DNAH5: variants seen among roughly 807,000 people sequenced by gnomAD.
DNAH5 encodes the protein dynein axonemal heavy chain 5.
A neutral mutation model predicts 518.2 loss-of-function variants in DNAH5; 372 were observed. The observed-to-expected ratio is 0.72, with a 90% CI of 0.66 to 0.78. The LOEUF (loss-of-function observed/expected upper bound fraction) is 0.78, where lower values mean the gene tolerates loss of function less well. Ranked by LOEUF, DNAH5 falls within the 30% of genes least tolerant of loss-of-function variation. DNAH5 has a pLI of 0.00. For missense variants in DNAH5, 5,523 were observed against 5,687.0 expected, an observed-to-expected ratio of 0.97 and a Z score of 0.93; for synonymous variants, 2,039 against 2,025.9, an observed-to-expected ratio of 1.01 and a Z score of -0.17.
At chr5:13,713,077 G>A (rs917483434) in intron 75 of DNAH5, among the ~76,000 whole-genome samples, 16 of 147,914 alleles carry the variant, frequency 1.1e-4, no homozygotes, top group Non-Finnish European at 2.1e-4. Flanking sequence ...ATCAATTAAC[G>A]AATGTATAAA....
intron 37 of DNAH5, 68 bp from the exon 38 acceptor site, chr5:13,829,772 T>C (rs1763394523): frequency 4.1e-6 from 6 of 1,465,138 alleles, no homozygotes; most frequent in African/African-American, 1.4e-5. Context: ...TATTAAAAGA[T>C]TCATTATGTA....
In DNAH5 at chr5:13,737,335, G is replaced by A. The variant is rs17263496; in HGVS notation, c.11372C>T (p.Thr3791Ile). The A allele has an allele frequency of 0.12, 194,959 of 1,613,910 alleles. 13,130 individuals carry two copies. The highest frequency in any genetic ancestry group is 0.13 in the Non-Finnish European group (157,757 of 1,179,906). The change falls in exon 66 of 79, where the codon ACA becomes ATA. Residue 3791 changes from threonine to isoleucine, a missense_variant. Coordinates refer to ENST00000265104, the MANE Select transcript of DNAH5 (RefSeq NM_001369.3). ...LIVVLSNTKR[T>I]AEEVTQKLEI... ...TAGCTTCTGTGTCACCTCCTCGGCT[G>A]TCCTTTTTGTGTTACTCAGCACGAC...
At position 13,714,368 on chromosome 5, in the gene DNAH5, C is replaced by A. The variant is rs543570342; in HGVS notation, c.13125+37G>T. 156 of 1,604,462 alleles carry A rather than the reference C, an allele frequency of 9.7e-5. 1 individual carries two copies. In the South Asian group the frequency reaches 1.7e-3, roughly 17 times the overall value. ...CACTCTCCCAACCGAAGATATGCAA[C>A]CCCAGCTGACATTTTGTCAGGATTT... On this transcript the variant is annotated intron_variant, in intron 75 of 78. Coordinates refer to ENST00000265104, the MANE Select transcript of DNAH5 (RefSeq NM_001369.3).
At chr5:13,972,396 G>A (rs1306313779) in intron 1 of DNAH5, among the ~76,000 whole-genome samples, 1 of 152,150 alleles carries the variant, frequency 6.6e-6, no homozygotes, top group Non-Finnish European at 1.5e-5. Flanking sequence ...AAGTTCAATT[G>A]GAAGTTTCCT....
intron 50 of DNAH5, among the ~76,000 whole-genome samples, chr5:13,791,608 GT>G (rs1757002241): frequency 6.6e-6 from 1 of 152,086 alleles, no homozygotes; most frequent in Admixed American, 6.6e-5. Context: ...TACTTTTTAA[GT>G]TAAAGTGTCA....
Position 13,916,456 on chromosome 5 carries a change from C to T in DNAH5, c.1090-1G>A, listed in dbSNP as rs766937846. 2 of 1,506,918 alleles carry T rather than the reference C, an allele frequency of 1.3e-6. No homozygotes were observed. The highest frequency in any genetic ancestry group is 3.4e-5 in the Admixed American group (2 of 59,480). The allele number at this position is 1,506,918 out of a possible 1,614,324, so 93.3% of individuals were successfully genotyped here. ...TAGGAATAGCATCCATCATGGATAG[C>T]TGAAAGATATCACCAAAGTTTTCAG... On this transcript the variant is annotated splice_acceptor_variant, in intron 8 of 78. Transcript: ENST00000265104. LOFTEE classifies it high-confidence loss of function.
intron 71 of DNAH5, 71 bp downstream of exon 71, chr5:13,720,929 T>C (rs1033407546): frequency 3.1e-6 from 5 of 1,601,316 alleles, no homozygotes; most frequent in Admixed American, 3.3e-5. Context: ...ATTTATATTT[T>C]TCTTCTGCAT....
chr5:13,725,925 T>G (rs1264693803), intron 70 of DNAH5, among the ~76,000 whole-genome samples: 1 of 152,190 alleles, frequency 6.6e-6, no homozygotes, highest in Non-Finnish European at 1.5e-5. Flanking sequence ...GTGCTGGGAT[T>G]ACAGGTGTGA....
At chr5:13,916,924 C>T (rs1017544759) in intron 8 of DNAH5, among the ~76,000 whole-genome samples, 2 of 152,038 alleles carry the variant, frequency 1.3e-5, no homozygotes, top group African/African-American at 2.4e-5. Context: ...TATACATCTT[C>T]AATAGATAGG....
At chr5:13,883,120 A>T in intron 19 of DNAH5, 26 bp from the exon 20 acceptor site, 1 of 1,610,254 alleles carries the variant, frequency 6.2e-7, no homozygotes, top group Non-Finnish European at 8.5e-7. Flanking sequence ...ACAAGGAAGA[A>T]TTCACATTTT....
At chr5:13,845,999 ATTTT>A (rs567783697) in intron 31 of DNAH5, among the ~76,000 whole-genome samples, 2 of 114,122 alleles carry the variant, frequency 1.8e-5, no homozygotes. Context: ...CCCAGCTAAT[ATTTT>A]TTTTTTTTTT....
Position 13,714,558 on chromosome 5 carries a change from G to A in DNAH5, c.12972C>T (p.Tyr4324=), listed in dbSNP as rs1395775112. ...FGLHPNADIT[Y]QSKLAKDVLD... ...GCACGTCCTTGGCCAGCTTGCTCTG[G>A]TAGGTGATGTCAGCATTGGGGTGCA... is the stretch of plus-strand genomic sequence containing the variant. The change falls in exon 75 of 79, where the codon TAC becomes TAT. Residue 4324 remains tyrosine, a synonymous_variant. Coordinates refer to ENST00000265104, the MANE Select transcript of DNAH5 (RefSeq NM_001369.3). 6.2e-7 allele frequency: 1 copy of A among 1,614,158 alleles called. No homozygotes were observed. The highest frequency in any genetic ancestry group is 1.7e-5 in the Admixed American group (1 of 60,032).
intron 3 of DNAH5, among the ~76,000 whole-genome samples, chr5:13,923,762 G>A (rs375712100): frequency 6.6e-6 from 1 of 152,268 alleles, no homozygotes; most frequent in African/African-American, 2.4e-5. Context: ...CTCACAACCC[G>A]GCTGGGTGCG....
At chr5:13,788,981 C>T in intron 50 of DNAH5, 67 bp from the exon 51 acceptor site, 1 of 1,415,870 alleles carries the variant, frequency 7.1e-7, no homozygotes, top group Non-Finnish European at 1.0e-6. Context: ...TTCAGGTTGA[C>T]AGTACTGTAG....
intron 64 of DNAH5, among the ~76,000 whole-genome samples, chr5:13,751,902 CA>C (rs1750289653): frequency 6.6e-6 from 1 of 152,272 alleles, no homozygotes; most frequent in South Asian, 2.1e-4. Flanking sequence ...TCAAAGCTGT[CA>C]GCATCAAATG....
rs757595098 is a variant in DNAH5, at chr5:13,701,376, G to A, written c.13399C>T (p.Gln4467Ter). 3.1e-6 allele frequency: 5 copies of A among 1,613,812 alleles called. No individual in the cohort carries two copies. Among genetic ancestry groups the A allele is most frequent in the Non-Finnish European group, 1.7e-6 (2 of 1,179,938 alleles). ...WFTELIERNS[Q>*]FTSWVFNGRP... ...CCATTGAAAACCCACGAGGTAAACT[G>A]GCTGTTTCTTTCTATAAGTTCAGTA... is the stretch of plus-strand genomic sequence containing the variant. The change falls in exon 77 of 79, where the codon CAG becomes TAG. Residue 4467 changes from glutamine to a stop codon, truncating the protein, a stop_gained. Coordinates refer to ENST00000265104, the MANE Select transcript of DNAH5 (RefSeq NM_001369.3). LOFTEE classifies it high-confidence loss of function.
intron 1 of DNAH5, among the ~76,000 whole-genome samples, chr5:13,991,673 C>T (rs1783562268): frequency 2.0e-5 from 3 of 151,760 alleles, no homozygotes; most frequent in South Asian, 2.1e-4. Flanking sequence ...CATGGAGAAA[C>T]GAGGGAGGCG....
At chr5:13,943,783 C>G (rs920186101) in intron 1 of DNAH5, among the ~76,000 whole-genome samples, 14 of 152,220 alleles carry the variant, frequency 9.2e-5, no homozygotes, top group African/African-American at 3.4e-4. Flanking sequence ...TGGTTGAGAA[C>G]TGAGTCCTAG....
chr5:13,695,105 C>G (rs1166839202), intron 78 of DNAH5, among the ~76,000 whole-genome samples: 1 of 152,214 alleles, frequency 6.6e-6, no homozygotes, highest in Non-Finnish European at 1.5e-5. Flanking sequence ...TGCATGTATA[C>G]CTCTGCCTTT....
Sources: allele counts gnomAD v4.1 joint callset (sites outside exome capture counted in the v4.1 genomes callset), GRCh38; gene constraint gnomAD v4.1.1; transcripts MANE v1.5; gene names NCBI Gene and HGNC (gene_info 2026-07-23, HGNC 2026-07-21).